Variants in HPSE2 observed in about 807,000 individuals in gnomAD.
HPSE2 encodes inactive heparanase-2.
Under a neutral mutation model 60.5 loss-of-function variants are expected in HPSE2, and 38 were observed. The observed-to-expected ratio is 0.63, with a 90% confidence interval of 0.48 to 0.82. The LOEUF (loss-of-function observed/expected upper bound fraction) is 0.82, where lower values mean the gene tolerates loss of function less well. Ranked by LOEUF, HPSE2 falls within the 40% of genes least tolerant of loss-of-function variation. The probability of loss-of-function intolerance (pLI) is 0.00; values close to 1 mark genes in which losing one functional copy is unlikely to be tolerated. For synonymous variants in HPSE2, 295 were observed against 293.2 expected (o/e 1.01, Z -0.06); for missense variants, 713 against 740.4 (o/e 0.96, Z 0.43).
At chr10:99,189,559 C>T (rs1468748039) in intron 2 of HPSE2, among the ~76,000 whole-genome samples, 2 of 152,246 alleles carry the variant, frequency 1.3e-5, no homozygotes, top group South Asian at 2.1e-4. Context: ...TATATGGGAG[C>T]CATGCACAAA....
At chr10:98,612,485 C>T (rs1264472678) in intron 9 of HPSE2, among the ~76,000 whole-genome samples, 1 of 152,176 alleles carries the variant, frequency 6.6e-6, no homozygotes, top group East Asian at 1.9e-4. Context: ...TTCCATTTCT[C>T]AGTACAGTTC....
the HPSE2 span, among the ~76,000 whole-genome samples, chr10:99,263,228 C>A: frequency 6.6e-6 from 1 of 152,150 alleles, no homozygotes; most frequent in Non-Finnish European, 1.5e-5. Context: ...CACTCACCAG[C>A]AAAGGTAGGC....
Position 98,665,872 on chromosome 10 carries a change from C to T in HPSE2, c.1005-23932G>A, listed in dbSNP as rs574938721. 1.6e-4 allele frequency among the ~76,000 whole-genome samples: 24 copies of T among 152,200 alleles called. 1 individual carries two copies. The highest frequency in any genetic ancestry group is 4.6e-4 in the Admixed American group (7 of 15,280). On this transcript the variant is annotated intron_variant, in intron 6 of 11. Coordinates refer to ENST00000370552, the MANE Select transcript of HPSE2 (RefSeq NM_021828.5). ...CCACAGACAATATAAAGCAATTACACGATCAAATTTACAAAACAAAAAGCT... is the reference window on the plus strand; with the variant it reads ...CCACAGACAATATAAAGCAATTACATGATCAAATTTACAAAACAAAAAGCT...
chr10:98,760,669 C>T (rs1030758258), intron 3 of HPSE2, among the ~76,000 whole-genome samples: 5 of 151,982 alleles, frequency 3.3e-5, no homozygotes, highest in African/African-American at 1.2e-4. Flanking sequence ...ATAAATTAGT[C>T]TCTTACTGTG....
At chr10:99,050,246 G>C (rs1184518537) in intron 3 of HPSE2, among the ~76,000 whole-genome samples, 1 of 151,988 alleles carries the variant, frequency 6.6e-6, no homozygotes, top group East Asian at 1.9e-4. Context: ...AGGCTGTAGT[G>C]GGGTATGACT....
chr10:99,120,618 C>T (rs1222454532), intron 3 of HPSE2, among the ~76,000 whole-genome samples: 1 of 152,084 alleles, frequency 6.6e-6, no homozygotes, highest in Non-Finnish European at 1.5e-5. Context: ...GGATTACAGG[C>T]ATGTGCCACC....
intron 9 of HPSE2, among the ~76,000 whole-genome samples, chr10:98,564,023 A>G (rs1360614362): frequency 6.6e-6 from 1 of 152,212 alleles, no homozygotes; most frequent in African/African-American, 2.4e-5. Flanking sequence ...GATGAAACGC[A>G]AAGTTCAATA....
At chr10:99,232,256 C>G (rs1405029955) in intron 2 of HPSE2, 92 bp downstream of exon 2, 1 of 1,364,534 alleles carries the variant, frequency 7.3e-7, no homozygotes, top group Non-Finnish European at 1.0e-6. Flanking sequence ...CACACACACA[C>G]GAACACACAG....
At position 99,234,896 on chromosome 10, in the gene HPSE2, A is replaced by G. The variant is rs143265582; in HGVS notation, c.290+617T>C. 1.1e-4 allele frequency among the ~76,000 whole-genome samples: 17 copies of G among 152,220 alleles called. No individual in the cohort carries two copies. In the East Asian group the frequency reaches 3.3e-3, roughly 29 times the overall value. ...GCATTCCGTCTATAAAAAGCGCCTT[A>G]CAAAGTCCTGAAGTCTGGAAATGAC... On this transcript the variant is annotated intron_variant, in intron 1 of 11. Coordinates refer to ENST00000370552, the MANE Select transcript of HPSE2 (RefSeq NM_021828.5).
intron 9 of HPSE2, among the ~76,000 whole-genome samples, chr10:98,611,659 C>T (rs1343137348): frequency 6.6e-6 from 1 of 152,190 alleles, no homozygotes; most frequent in Non-Finnish European, 1.5e-5. Flanking sequence ...CAATGTGTGT[C>T]AGATTGGTGT....
chr10:98,844,465 T>G (rs982723298), intron 3 of HPSE2, among the ~76,000 whole-genome samples: 1 of 152,226 alleles, frequency 6.6e-6, no homozygotes, highest in Admixed American at 6.5e-5. Flanking sequence ...TTCTTGGAAC[T>G]AGACAGTACA....
Position 98,538,279 on chromosome 10 carries a change from C to T in HPSE2, c.1321-48083G>A, listed in dbSNP as rs116368489. Among the ~76,000 whole-genome samples the T allele has an allele frequency of 1.1e-3, 160 of 152,272 alleles. 1 individual carries two copies. Among genetic ancestry groups the T allele is most frequent in the African/African-American group, 3.8e-3 (157 of 41,558 alleles). ...CGTCTCCGCACATGGGGAGAACACC[C>T]GCTAAGCCCCTTGGGCTGGACCCTA... On this transcript the variant is annotated intron_variant, in intron 9 of 11. Transcript: ENST00000370552.
intron 3 of HPSE2, among the ~76,000 whole-genome samples, chr10:98,972,487 A>G (rs142835127): frequency 6.8e-4 from 104 of 152,240 alleles, no homozygotes; most frequent in Middle Eastern, 3.4e-3. Context: ...ATATTCACTT[A>G]CTTTTTCTTC....
At chr10:98,509,640 T>A (rs1454566100) in intron 9 of HPSE2, among the ~76,000 whole-genome samples, 1 of 151,978 alleles carries the variant, frequency 6.6e-6, no homozygotes, top group African/African-American at 2.4e-5. Context: ...TAGCTGGGAT[T>A]ACAGGCGCCT....
At chr10:98,994,294 T>C (rs1017461130) in intron 3 of HPSE2, among the ~76,000 whole-genome samples, 6 of 152,082 alleles carry the variant, frequency 3.9e-5, no homozygotes, top group African/African-American at 7.2e-5. Context: ...CAGCAGCCCA[T>C]AGGAGGGCAG....
At chr10:99,013,415 C>T (rs542543437) in intron 3 of HPSE2, 32 of 525,874 alleles carry the variant, frequency 6.1e-5, no homozygotes, top group African/African-American at 4.7e-4. Context: ...TCAGGAAGAA[C>T]GAAGAGATTC....
chr10:98,870,443 T>C (rs1190665077), intron 3 of HPSE2, among the ~76,000 whole-genome samples: 3 of 152,222 alleles, frequency 2.0e-5, no homozygotes, highest in African/African-American at 4.8e-5. Flanking sequence ...GGTAAAAATG[T>C]TGCCTATCTT....
intron 3 of HPSE2, among the ~76,000 whole-genome samples, chr10:99,080,092 T>C (rs1388466885): frequency 6.6e-6 from 1 of 152,160 alleles, no homozygotes; most frequent in Non-Finnish European, 1.5e-5. Flanking sequence ...TCTCAATTAG[T>C]TTTTGGATGT....
At chr10:98,912,294 A>G (rs1013755766) in intron 3 of HPSE2, among the ~76,000 whole-genome samples, 1 of 152,220 alleles carries the variant, frequency 6.6e-6, no homozygotes, top group Non-Finnish European at 1.5e-5. Context: ...CTAGTAGAAC[A>G]GAATCTTCCA....
Sources: allele counts gnomAD v4.1 joint callset (sites outside exome capture counted in the v4.1 genomes callset), GRCh38; gene constraint gnomAD v4.1.1; transcripts MANE v1.5; gene names NCBI Gene and HGNC (gene_info 2026-07-23, HGNC 2026-07-21).